Variants in TXK observed in about 807,000 individuals in gnomAD.
The protein encoded by TXK is TXK tyrosine kinase.
In TXK, 60 loss-of-function variants were observed where a neutral mutation model predicts 81.0. The ratio of observed to expected loss-of-function variants is 0.74; its 90% confidence interval spans 0.60 to 0.92. The LOEUF (loss-of-function observed/expected upper bound fraction) is 0.92. TXK is among the 40% of genes least tolerant of loss of function. The pLI, the probability that TXK is intolerant of heterozygous loss-of-function variation, is 0.00. For missense variants in TXK, 581 were observed against 638.3 expected (o/e 0.91, Z 0.97); for synonymous variants, 203 against 210.7 (o/e 0.96, Z 0.32).
chr4:48,072,158 C>T (rs1245002186), intron 13 of TXK, among the ~76,000 whole-genome samples: 1 of 152,058 alleles, frequency 6.6e-6, no homozygotes, highest in African/African-American at 2.4e-5. Context: ...TGCCCACCAC[C>T]ACGCCCAACT....
At position 48,129,013 on chromosome 4, in the gene TXK, G is replaced by T. The variant is rs150152480; in HGVS notation, c.16+5142C>A. ...CTACCTCTGAACAGGAGTTAGAAAA[G>T]ACTTCCAAGTTGGAGTTAGACTTCT... On this transcript the variant is annotated intron_variant, in intron 1 of 14. Coordinates refer to ENST00000264316, the MANE Select transcript of TXK (RefSeq NM_003328.3). Among the ~76,000 whole-genome samples, 431 of 152,178 alleles carry T rather than the reference G, an allele frequency of 2.8e-3. 4 individuals carry two copies. The highest frequency in any genetic ancestry group is 0.01 in the African/African-American group (416 of 41,494).
rs747563990 is a variant in TXK, at chr4:48,086,462, G to A, written c.956+4C>T. The A allele has an allele frequency of 1.3e-5, 21 of 1,613,638 alleles. No individual in the cohort carries two copies. The highest frequency in any genetic ancestry group is 1.6e-4 in the Middle Eastern group (1 of 6,078). On this transcript the variant is annotated splice_donor_region_variant and intron_variant, in intron 10 of 14. Transcript: ENST00000264316. ...ATATTTATCAGGGTGTTGTTTATAC[G>A]TACATCATCACTTTGGCCTCTTCAA...
At chr4:48,120,649 C>A (rs1194271627) in intron 1 of TXK, among the ~76,000 whole-genome samples, 1 of 151,976 alleles carries the variant, frequency 6.6e-6, no homozygotes, top group East Asian at 1.9e-4. Context: ...TGTCACCATG[C>A]CCGGCTAATT....
intron 12 of TXK, among the ~76,000 whole-genome samples, chr4:48,075,084 T>A (rs1280439161): frequency 6.6e-6 from 1 of 151,352 alleles, no homozygotes; most frequent in Non-Finnish European, 1.5e-5. Flanking sequence ...AAAAGAGGAA[T>A]GGGGGAAATA....
chr4:48,100,726 T>C (rs573888023), intron 6 of TXK, among the ~76,000 whole-genome samples: 2 of 152,294 alleles, frequency 1.3e-5, no homozygotes, highest in East Asian at 1.9e-4. Context: ...GGAAAAGATA[T>C]GTGTATAGGT....
chr4:48,071,635 G>A lies in TXK; in HGVS notation c.1397C>T (p.Pro466Leu). 1.2e-6 allele frequency: 2 copies of A among 1,614,080 alleles called. No homozygotes were observed. The highest frequency in any genetic ancestry group is 8.5e-7 in the Non-Finnish European group (1 of 1,180,004). The change falls in exon 14 of 15, where the codon CCT (proline) becomes CTT (leucine). Residue 466 changes from proline to leucine, a missense_variant. By Grantham distance (98) the Pro-to-Leu change is moderately conservative. Coordinates refer to ENST00000264316, the MANE Select transcript of TXK (RefSeq NM_003328.3). ...TTGCAAATTTGACTTATTTTCAAAAGGCATTTTTCCTTCTGTAAAAACTTC... is the reference window on the plus strand; with the variant it reads ...TTGCAAATTTGACTTATTTTCAAAAAGCATTTTTCCTTCTGTAAAAACTTC... ...MWEVFTEGKMPFENKSNLQVV... is the reference protein window; with the variant it reads ...MWEVFTEGKMLFENKSNLQVV...
chr4:48,095,574 A>G (rs146724674), intron 6 of TXK, among the ~76,000 whole-genome samples: 1 of 152,330 alleles, frequency 6.6e-6, no homozygotes, highest in East Asian at 1.9e-4. Flanking sequence ...TAGAATAGGA[A>G]GAACACTAAG....
At chr4:48,117,996 C>T (rs1463180580) in intron 1 of TXK, among the ~76,000 whole-genome samples, 8 of 152,180 alleles carry the variant, frequency 5.3e-5, no homozygotes, top group African/African-American at 1.9e-4. Context: ...TTATATCTTC[C>T]TATTCTGTCC....
At chr4:48,129,923 C>T (rs969829344) in intron 1 of TXK, among the ~76,000 whole-genome samples, 6 of 152,204 alleles carry the variant, frequency 3.9e-5, no homozygotes, top group East Asian at 1.9e-4. Flanking sequence ...ACAAGGCACA[C>T]GGGCGTGGCT....
intron 13 of TXK, 24 bp downstream of exon 13, chr4:48,073,911 C>A: frequency 7.1e-7 from 1 of 1,418,186 alleles, no homozygotes; most frequent in Non-Finnish European, 9.8e-7. Flanking sequence ...CAAGCTCCAG[C>A]AAGTGAACAT....
chr4:48,102,631 C>T (rs765557318), intron 6 of TXK, among the ~76,000 whole-genome samples: 3 of 152,168 alleles, frequency 2.0e-5, no homozygotes, highest in Non-Finnish European at 2.9e-5. Context: ...AATTCCATCT[C>T]GCCCTTGTGT....
Position 48,104,703 on chromosome 4 carries a change from AATTAT to A in TXK, c.501+193_501+197del, listed in dbSNP as rs376162126. The stretch of plus-strand genomic sequence containing the variant: ...CCTTTCAGGAGAAACGTATTTCTGA[AATTAT>A]AATGAAAGTTGATGGAAAACATGAT... On this transcript the variant is annotated intron_variant, in intron 6 of 14. Coordinates refer to ENST00000264316, the MANE Select transcript of TXK (RefSeq NM_003328.3). Among the ~76,000 whole-genome samples the A allele has an allele frequency of 6.3e-5, 9 of 143,848 alleles. No homozygotes were observed. In the East Asian group the frequency reaches 1.8e-3, roughly 29 times the overall value. The allele number at this position is 143,848 out of a possible 152,430, so 94.4% of individuals were successfully genotyped here.
intron 13 of TXK, 70 bp downstream of exon 13, chr4:48,073,865 A>C (rs1716958410): frequency 9.5e-7 from 1 of 1,048,438 alleles, no homozygotes; most frequent in Non-Finnish European, 1.4e-6. Flanking sequence ...TTAGGAAATC[A>C]AAGTTAAAAA....
chr4:48,069,351 A>G (rs999859579), intron 14 of TXK, among the ~76,000 whole-genome samples: 1 of 147,856 alleles, frequency 6.8e-6, no homozygotes, highest in Non-Finnish European at 1.5e-5. Flanking sequence ...TTTTTGAGAC[A>G]GTCTGGCCCA....
At chr4:48,092,742 C>A (rs1023537114) in intron 8 of TXK, among the ~76,000 whole-genome samples, 1 of 152,126 alleles carries the variant, frequency 6.6e-6, no homozygotes, top group Non-Finnish European at 1.5e-5. Context: ...CAGTGGATGG[C>A]AGGTAAGGGC....
chr4:48,120,188 T>C lies in TXK; in HGVS notation c.17-5786A>G, dbSNP rs550956722. Among the ~76,000 whole-genome samples, 939 of 94,266 alleles carry C rather than the reference T, an allele frequency of 1.0e-2. 11 individuals are homozygous for C. Among genetic ancestry groups the C allele is most frequent in the Middle Eastern group, 0.032 (6 of 190 alleles). The allele number at this position is 94,266 out of a possible 152,430, so 61.8% of individuals were successfully genotyped here. On this transcript the variant is annotated intron_variant, in intron 1 of 14. Transcript: ENST00000264316. ...ATGTATATACGTATATGTGTATATA[T>C]ACATACACACATATATACGTATATA...
intron 6 of TXK, among the ~76,000 whole-genome samples, chr4:48,096,509 T>C (rs1010326549): frequency 1.3e-5 from 2 of 152,138 alleles, no homozygotes; most frequent in Admixed American, 1.3e-4. Flanking sequence ...ATTTTTAAAT[T>C]TTCTTTCTCT....
chr4:48,114,870 T>G (rs1381114318), intron 1 of TXK, among the ~76,000 whole-genome samples: 2 of 152,136 alleles, frequency 1.3e-5, no homozygotes, highest in Admixed American at 1.3e-4. Flanking sequence ...TTCTTTTACG[T>G]ATTTATTGTA....
chr4:48,125,741 T>C (rs939313402), intron 1 of TXK, among the ~76,000 whole-genome samples: 7 of 152,114 alleles, frequency 4.6e-5, no homozygotes, highest in African/African-American at 1.7e-4. Context: ...CAGAGAGAGG[T>C]TTCTTTTAAG....
Sources: allele counts gnomAD v4.1 joint callset (sites outside exome capture counted in the v4.1 genomes callset), GRCh38; gene constraint gnomAD v4.1.1; transcripts MANE v1.5; gene names NCBI Gene and HGNC (gene_info 2026-07-23, HGNC 2026-07-21).